The following ERBB4 variants were observed in gnomAD, a reference collection of about 807,000 sequenced individuals.
ERBB4 encodes receptor tyrosine-protein kinase erbB-4.
ERBB4 carries 42 observed loss-of-function variants against 158.0 expected under a neutral mutation model. The observed-to-expected ratio is 0.27, with a 90% CI of 0.21 to 0.34. The LOEUF (loss-of-function observed/expected upper bound fraction) is 0.34. ERBB4 is among the 10% of genes least tolerant of loss of function. The probability of loss-of-function intolerance (pLI) is 1.00; values close to 1 mark genes in which losing one functional copy is unlikely to be tolerated. For missense variants in ERBB4, 1,333 were observed against 1,624.1 expected, an observed-to-expected ratio of 0.82 and a Z score of 3.08; for synonymous variants, 583 against 558.7, an observed-to-expected ratio of 1.04 and a Z score of -0.61.
intron 2 of ERBB4, among the ~76,000 whole-genome samples, chr2:211,999,737 T>G (rs2076060811): frequency 6.6e-6 from 1 of 151,890 alleles, no homozygotes; most frequent in African/African-American, 2.4e-5. Context: ...TGTCTATAAT[T>G]TTTGTGTGTG....
chr2:211,476,472 T>C (rs901159575), intron 20 of ERBB4, among the ~76,000 whole-genome samples: 1 of 151,682 alleles, frequency 6.6e-6, no homozygotes, highest in Admixed American at 6.6e-5. Flanking sequence ...TCAGGTAGAA[T>C]TGACAGAAAG....
chr2:211,877,995 C>T (rs1040617392), intron 3 of ERBB4, among the ~76,000 whole-genome samples: 1 of 152,152 alleles, frequency 6.6e-6, no homozygotes, highest in Non-Finnish European at 1.5e-5. Flanking sequence ...GTAATCCCAG[C>T]TATTCAGGAG....
chr2:212,472,971 T>C (rs1468470896), intron 1 of ERBB4, among the ~76,000 whole-genome samples: 2 of 151,902 alleles, frequency 1.3e-5, no homozygotes, highest in Non-Finnish European at 2.9e-5. Context: ...TTGCAAATTC[T>C]TCTTACTTCA....
intron 25 of ERBB4, among the ~76,000 whole-genome samples, chr2:211,395,990 A>C (rs977071606): frequency 6.6e-6 from 1 of 151,994 alleles, no homozygotes; most frequent in Non-Finnish European, 1.5e-5. Flanking sequence ...TAAGTAATCT[A>C]TAAGGCAGGT....
intron 2 of ERBB4, among the ~76,000 whole-genome samples, chr2:211,985,274 AGAAG>A (rs988722084): frequency 4.6e-5 from 7 of 152,208 alleles, no homozygotes; most frequent in African/African-American, 1.7e-4. Context: ...AAGTAAAGAA[AGAAG>A]GAAGGGAGTA....
intron 19 of ERBB4, among the ~76,000 whole-genome samples, chr2:211,593,851 G>A (rs1344513323): frequency 6.6e-6 from 1 of 152,108 alleles, no homozygotes; most frequent in Non-Finnish European, 1.5e-5. Flanking sequence ...GAGCCAATTT[G>A]CCCAAACTTA....
chr2:211,973,016 T>G (rs542336308), intron 2 of ERBB4, among the ~76,000 whole-genome samples: 43 of 152,228 alleles, frequency 2.8e-4, no homozygotes, highest in African/African-American at 9.6e-4. Context: ...TTGCAAACTC[T>G]ATATCTGACA....
At chr2:212,532,136 T>C (rs1318001193) in intron 1 of ERBB4, among the ~76,000 whole-genome samples, 2 of 152,250 alleles carry the variant, frequency 1.3e-5, no homozygotes, top group Non-Finnish European at 2.9e-5. Flanking sequence ...AATACTTCTA[T>C]GTGTGCTACA....
intron 1 of ERBB4, among the ~76,000 whole-genome samples, chr2:212,374,907 A>G (rs958846865): frequency 9.8e-5 from 10 of 102,528 alleles, no homozygotes; most frequent in African/African-American, 5.0e-4. Flanking sequence ...AGATTTTTAG[A>G]AATAAATATG....
intron 7 of ERBB4, among the ~76,000 whole-genome samples, chr2:211,716,702 A>AC (rs1333698059): frequency 2.0e-5 from 2 of 100,324 alleles, no homozygotes; most frequent in Non-Finnish European, 3.9e-5. Flanking sequence ...AACAACAACA[A>AC]AACAAAACAA....
chr2:211,519,721 T>A (rs2066137894), intron 20 of ERBB4, among the ~76,000 whole-genome samples: 1 of 152,110 alleles, frequency 6.6e-6, no homozygotes, highest in South Asian at 2.1e-4. Flanking sequence ...GGCACACATG[T>A]ATGCATTTGT....
intron 2 of ERBB4, among the ~76,000 whole-genome samples, chr2:211,990,175 A>T (rs376637185): frequency 5.9e-5 from 9 of 152,146 alleles, no homozygotes; most frequent in African/African-American, 1.9e-4. Flanking sequence ...ATTTGAATAG[A>T]TGTCTACTGA....
chr2:211,632,280 T>A (rs1448009388), intron 16 of ERBB4, among the ~76,000 whole-genome samples: 1 of 152,114 alleles, frequency 6.6e-6, no homozygotes, highest in Non-Finnish European at 1.5e-5. Flanking sequence ...TAAGATCATA[T>A]TTTTGATCAT....
intron 23 of ERBB4, among the ~76,000 whole-genome samples, chr2:211,423,512 GC>G (rs1482230542): frequency 6.6e-6 from 1 of 151,860 alleles, no homozygotes; most frequent in East Asian, 1.9e-4. Flanking sequence ...TAAATTAAGG[GC>G]CTGTGCTTCA....
At chr2:211,448,482 A>C (rs1048903004) in intron 20 of ERBB4, among the ~76,000 whole-genome samples, 7 of 151,950 alleles carry the variant, frequency 4.6e-5, no homozygotes, top group African/African-American at 1.7e-4. Flanking sequence ...ACACACACAC[A>C]CACACACACA....
intron 1 of ERBB4, among the ~76,000 whole-genome samples, chr2:212,311,408 C>T (rs1271196441): frequency 1.3e-5 from 2 of 150,868 alleles, no homozygotes; most frequent in African/African-American, 4.8e-5. Context: ...ACTGTTAACA[C>T]ACCCATCCTG....
intron 19 of ERBB4, among the ~76,000 whole-genome samples, chr2:211,578,958 A>G (rs1396227996): frequency 6.6e-6 from 1 of 152,200 alleles, no homozygotes; most frequent in East Asian, 1.9e-4. Flanking sequence ...AATGGGATCT[A>G]ACTAAACTAA....
chr2:211,612,851 T>C (rs994776619), intron 19 of ERBB4, among the ~76,000 whole-genome samples: 1 of 152,078 alleles, frequency 6.6e-6, no homozygotes, highest in African/African-American at 2.4e-5. Context: ...CAGATGTGTT[T>C]TTGGCATAGA....
Position 211,430,945 on chromosome 2 carries a change from C to G in ERBB4, c.2643G>C (p.Lys881Asn). The G allele has an allele frequency of 6.2e-7, 1 of 1,612,690 alleles. No individual in the cohort carries two copies. Among genetic ancestry groups the G allele is most frequent in the South Asian group, 1.1e-5 (1 of 91,040 alleles). Residue 881 changes from lysine (K) to asparagine (N), a missense_variant and splice_region_variant, in exon 21 of 28, where the codon AAG (lysine) becomes AAC (asparagine). By Grantham distance (94) the Lys-to-Asn change is moderately conservative (BLOSUM62 0). This residue lies in a region of ERBB4 where 314 missense variants were observed against 437.6 expected (regional missense o/e 0.72). Coordinates refer to ENST00000342788, the MANE Select transcript of ERBB4 (RefSeq NM_005235.3). ...AGATTGCTCTCAAAAAGATACCCAC[C>G]TTTCCTCCATCAGCATTGTACTCTT... ...DEKEYNADGG[K>N]MPIKWMALEC... is the part of the protein sequence containing the mutation.
Sources: allele counts gnomAD v4.1 joint callset (sites outside exome capture counted in the v4.1 genomes callset), GRCh38; gene constraint gnomAD v4.1.1; regional missense constraint gnomAD v4.1.1; transcripts MANE v1.5; gene names NCBI Gene and HGNC (gene_info 2026-07-23, HGNC 2026-07-21).